The following NUP133 variants were observed in gnomAD, a reference collection of about 807,000 sequenced individuals.
NUP133 encodes the protein nuclear pore complex protein Nup133.
Under a neutral mutation model 146.2 loss-of-function variants are expected in NUP133, and 66 were observed. That is an observed-to-expected ratio of 0.45 (90% CI 0.37 to 0.55). The LOEUF is 0.55. NUP133 is among the 20% of genes least tolerant of loss of function. The probability of loss-of-function intolerance (pLI) is 0.00; values close to 1 mark genes in which losing one functional copy is unlikely to be tolerated. For missense variants in NUP133, 1,277 were observed against 1,374.8 expected (o/e 0.93, Z 1.12); for synonymous variants, 521 against 498.8 (o/e 1.04, Z -0.59).
intron 5 of NUP133, chr1:229,499,162 A>G: frequency 2.1e-6 from 1 of 469,298 alleles, no homozygotes; most frequent in South Asian, 1.5e-5. Flanking sequence ...AGCCATTCAA[A>G]GTGGTGAGAC....
intron 24 of NUP133, 80 bp downstream of exon 24, chr1:229,449,046 T>G (rs1464703019): frequency 9.4e-7 from 1 of 1,064,412 alleles, no homozygotes; most frequent in East Asian, 2.4e-5. Context: ...AGAAGTCTTC[T>G]GTTATTGACT....
chr1:229,501,901 T>G, intron 3 of NUP133, 98 bp downstream of exon 3: 1 of 818,864 alleles, frequency 1.2e-6, no homozygotes, highest in Non-Finnish European at 2.0e-6. Context: ...TAGTTTCCTA[T>G]TGACTATCCT....
At chr1:229,449,524 C>G (rs554949250) in intron 23 of NUP133, among the ~76,000 whole-genome samples, 3 of 151,608 alleles carry the variant, frequency 2.0e-5, no homozygotes, top group Non-Finnish European at 4.4e-5. Context: ...CACACCACCA[C>G]GCCCAGCTAA....
Position 229,440,892 on chromosome 1 carries a change from G to C in NUP133, c.*1012C>G, listed in dbSNP as rs953530457. The C allele has an allele frequency of 6.5e-6, 1 of 153,172 alleles. No homozygotes were observed. The highest frequency in any genetic ancestry group is 1.5e-5 in the Non-Finnish European group (1 of 68,748). The allele number at this position is 153,172 out of a possible 1,614,324, so 9.5% of individuals were successfully genotyped here. On this transcript the variant is annotated 3_prime_UTR_variant, in exon 26 of 26. Transcript: ENST00000261396. ...GCTGGGCTCTGTGAATCCAGGAACC[G>C]GACTCTTCACCATGTTTAACTTCTG...
chr1:229,465,635 T>C (rs899424385), intron 16 of NUP133, 116 bp from the exon 17 acceptor site: 15 of 772,582 alleles, frequency 1.9e-5, no homozygotes, highest in Admixed American at 4.4e-5. Flanking sequence ...GGGCCAGGAA[T>C]GTTGGCTCAC....
At chr1:229,481,927 T>C (rs1661222055) in intron 12 of NUP133, among the ~76,000 whole-genome samples, 1 of 152,172 alleles carries the variant, frequency 6.6e-6, no homozygotes, top group African/African-American at 2.4e-5. Flanking sequence ...TGTTTGAAGC[T>C]CCTGGCTTGT....
intron 8 of NUP133, among the ~76,000 whole-genome samples, chr1:229,495,181 G>A (rs1033907545): frequency 1.3e-5 from 2 of 152,158 alleles, no homozygotes; most frequent in African/African-American, 4.8e-5. Flanking sequence ...TTGAGCCCAG[G>A]AGTTCAAGAC....
In NUP133 at chr1:229,508,266, G is replaced by A. The variant is rs1202343863; in HGVS notation, c.-17C>T. On this transcript the variant is annotated 5_prime_UTR_variant, in exon 1 of 26. Transcript: ENST00000261396. ...TGGGAACATGACTCCAAGGAGCAGCGACTAGGACAGCGAGGGATCTGGCCG... is the reference window on the plus strand; with the variant it reads ...TGGGAACATGACTCCAAGGAGCAGCAACTAGGACAGCGAGGGATCTGGCCG... The A allele has an allele frequency of 5.5e-6, 8 of 1,464,878 alleles. No individual in the cohort carries two copies. The East Asian group carries it at 1.1e-4, about 20-fold the overall frequency. The allele number at this position is 1,464,878 out of a possible 1,614,324, so 90.7% of individuals were successfully genotyped here. A position where few individuals can be genotyped will look rare whatever the true frequency, so the allele number is the denominator to read the frequency against.
chr1:229,471,951 A>G (rs1660965891), intron 14 of NUP133, among the ~76,000 whole-genome samples: 1 of 152,136 alleles, frequency 6.6e-6, no homozygotes, highest in Non-Finnish European at 1.5e-5. Context: ...TAACCTGTTC[A>G]CCTTATTATT....
At chr1:229,458,843 G>A (rs1660627362) in intron 20 of NUP133, among the ~76,000 whole-genome samples, 1 of 151,586 alleles carries the variant, frequency 6.6e-6, no homozygotes, top group South Asian at 2.1e-4. Context: ...CTGAGTAGCT[G>A]GGATTACAGG....
At chr1:229,466,454 A>G (rs571898104) in intron 16 of NUP133, among the ~76,000 whole-genome samples, 180 bp downstream of exon 16, 3 of 152,364 alleles carry the variant, frequency 2.0e-5, no homozygotes, top group Admixed American at 2.0e-4. Context: ...CCAGGCTAAC[A>G]TTCAAAATAC....
Position 229,470,685 on chromosome 1 carries a change from G to C in NUP133, c.1971C>G (p.His657Gln). The change falls in exon 15 of 26, where the codon CAC (histidine) becomes CAG (glutamine). Residue 657 changes from histidine (H) to glutamine (Q), a missense_variant. Physicochemically the swap from His to Gln is conservative, Grantham distance 24. Around this residue, in one of 3 missense-constraint regions of NUP133, gnomAD observed 952 missense variants for 1,047.0 expected, o/e 0.91. Transcript: ENST00000261396. ...LSAAIVLKNH[H>Q]SRLSDLVNTA... ...TGTTGACAAGGTCAGAAAGCCGGGAGTGGTGGTTCTTGAGAACAATGGCGG... is the reference window on the plus strand; with the variant it reads ...TGTTGACAAGGTCAGAAAGCCGGGACTGGTGGTTCTTGAGAACAATGGCGG... 6.2e-7 allele frequency: 1 copy of C among 1,614,196 alleles called. No individual in the cohort carries two copies. Among genetic ancestry groups the C allele is most frequent in the African/African-American group, 1.3e-5 (1 of 75,046 alleles).
chr1:229,477,932 G>A (rs1266290723), intron 12 of NUP133, among the ~76,000 whole-genome samples, 172 bp from the exon 13 acceptor site: 5 of 152,080 alleles, frequency 3.3e-5, no homozygotes, highest in Non-Finnish European at 5.9e-5. Context: ...AGTCAGGCAC[G>A]AAAGACATGT....
chr1:229,492,825 G>A (rs1661559560), intron 8 of NUP133, among the ~76,000 whole-genome samples: 1 of 151,826 alleles, frequency 6.6e-6, no homozygotes, highest in African/African-American at 2.4e-5. Context: ...ACACTGCTCA[G>A]GTGACAGGTG....
chr1:229,481,174 C>G (rs1370818118), intron 12 of NUP133, among the ~76,000 whole-genome samples: 1 of 151,910 alleles, frequency 6.6e-6, no homozygotes, highest in Non-Finnish European at 1.5e-5. Flanking sequence ...TGCTACAGGG[C>G]CCATGACACT....
chr1:229,466,370 C>T (rs1213532687), intron 16 of NUP133, among the ~76,000 whole-genome samples: 2 of 152,126 alleles, frequency 1.3e-5, no homozygotes, highest in African/African-American at 4.8e-5. Context: ...AAGATACAAA[C>T]ACATCTTCCC....
intron 4 of NUP133, 103 bp downstream of exon 4, chr1:229,500,653 A>G (rs1457394098): frequency 4.7e-6 from 3 of 639,978 alleles, no homozygotes; most frequent in East Asian, 5.6e-5. Flanking sequence ...CTTGATTTCT[A>G]TAGGTTTATA....
intron 23 of NUP133, 74 bp from the exon 24 acceptor site, chr1:229,449,264 G>A: frequency 2.3e-6 from 2 of 873,056 alleles, no homozygotes; most frequent in South Asian, 3.1e-5. Context: ...TTTTCATTAT[G>A]TTAATACTAC....
At chr1:229,443,190 G>A (rs1315521158) in intron 25 of NUP133, among the ~76,000 whole-genome samples, 11 of 150,520 alleles carry the variant, frequency 7.3e-5, no homozygotes, top group East Asian at 3.9e-4. Flanking sequence ...CATGCACCAC[G>A]AAGCCTAGCT....
Sources: allele counts gnomAD v4.1 joint callset (sites outside exome capture counted in the v4.1 genomes callset), GRCh38; gene constraint gnomAD v4.1.1; regional missense constraint gnomAD v4.1.1; transcripts MANE v1.5; gene names NCBI Gene and HGNC (gene_info 2026-07-23, HGNC 2026-07-21).